The following KLC1 variants were observed in gnomAD, a reference collection of about 807,000 sequenced individuals.
The protein encoded by KLC1 is kinesin 2 60/70kDa.
Under a neutral mutation model 84.2 loss-of-function variants are expected in KLC1, and 30 were observed. The ratio of observed to expected loss-of-function variants is 0.36; its 90% CI spans 0.27 to 0.48. The LOEUF (loss-of-function observed/expected upper bound fraction) is 0.48, where lower values mean the gene tolerates loss of function less well. KLC1 is among the 20% of genes least tolerant of loss of function. KLC1 has a pLI of 0.99. For missense variants in KLC1, 499 were observed against 805.4 expected (o/e 0.62, Z 4.60); for synonymous variants, 289 against 293.3 (o/e 0.99, Z 0.15).
chr14:103,630,830 G>A (rs1230120818), intron 1 of KLC1, among the ~76,000 whole-genome samples: 3 of 152,204 alleles, frequency 2.0e-5, no homozygotes, highest in Non-Finnish European at 4.4e-5. Context: ...GTCTCTCCAA[G>A]TCATCAAAGA....
At chr14:103,699,942 A>C in intron 15 of KLC1, 5 of 330,472 alleles carry the variant, frequency 1.5e-5, no homozygotes, top group Non-Finnish European at 2.4e-5. Context: ...TCTCCCCCTC[A>C]CAGGTCAGCA....
At position 103,694,042 on chromosome 14, in the gene KLC1, AC is replaced by A. The variant is rs1000657855; in HGVS notation, c.1848+1618del. 3 of 1,000,846 alleles carry A rather than the reference AC, an allele frequency of 3.0e-6. No individual in the cohort carries two copies. The highest frequency in any genetic ancestry group is 3.6e-6 in the Non-Finnish European group (3 of 838,908). 62.0% of individuals were successfully genotyped at this position (1,000,846 alleles called of 1,614,324 possible). On this transcript the variant is annotated intron_variant, in intron 15 of 16. Coordinates refer to ENST00000334553, the MANE Select transcript of KLC1 (RefSeq NM_001394837.1). This position sits in a 1 kb window ranked among gnomAD's most constrained non-coding sequence, Gnocchi z 4.5. ...GGAAACATAAAGTACCCCTTTCAGA[AC>A]GATAGGCATTTAGTGATCTATGGCA...
chr14:103,636,220 T>G (rs2077034744), intron 1 of KLC1, among the ~76,000 whole-genome samples: 1 of 152,124 alleles, frequency 6.6e-6, no homozygotes, highest in Non-Finnish European at 1.5e-5. Flanking sequence ...CTTTCAATAC[T>G]TTATTTTTTA....
chr14:103,678,725 C>T (rs145434036), intron 12 of KLC1, among the ~76,000 whole-genome samples: 86 of 151,962 alleles, frequency 5.7e-4, no homozygotes, highest in African/African-American at 2.0e-3. Flanking sequence ...GTGAAAAGAC[C>T]CCCATGCAAC....
chr14:103,642,752 A>AGTTTTTTG (rs1264220680), intron 1 of KLC1, among the ~76,000 whole-genome samples: 5 of 151,178 alleles, frequency 3.3e-5, no homozygotes, highest in Admixed American at 1.3e-4. Context: ...TAAATAATGT[A>AGTTTTTTG]GTTTTTTGGT....
intron 1 of KLC1, among the ~76,000 whole-genome samples, chr14:103,638,557 T>C (rs1329731642): frequency 6.6e-6 from 1 of 151,804 alleles, no homozygotes; most frequent in Non-Finnish European, 1.5e-5. Flanking sequence ...CACTGTAAGC[T>C]TTCCCCACCT....
At chr14:103,695,996 G>C in intron 15 of KLC1, 1 of 985,336 alleles carries the variant, frequency 1.0e-6, no homozygotes, top group Non-Finnish European at 1.2e-6. Context: ...GTGGGCCCAG[G>C]CATCCCTCCT....
At chr14:103,672,337 T>C (rs767622614) in intron 7 of KLC1, among the ~76,000 whole-genome samples, 5 of 152,224 alleles carry the variant, frequency 3.3e-5, no homozygotes, top group Admixed American at 1.3e-4. Flanking sequence ...AGGAGGTTAG[T>C]GTTCATTCAT....
intron 16 of KLC1, among the ~76,000 whole-genome samples, 162 bp downstream of exon 16, chr14:103,700,889 T>G (rs961381817): frequency 6.6e-6 from 1 of 152,112 alleles, no homozygotes; most frequent in African/African-American, 2.4e-5. Flanking sequence ...CCCATCCTCA[T>G]GCAAGCCCAA....
At chr14:103,661,289 G>A (rs901634042) in intron 3 of KLC1, among the ~76,000 whole-genome samples, 2 of 152,106 alleles carry the variant, frequency 1.3e-5, no homozygotes, top group Admixed American at 6.6e-5. Flanking sequence ...CAGTTCAGGG[G>A]TACATCCTGC....
chr14:103,630,282 A>G (rs972120148), intron 1 of KLC1, among the ~76,000 whole-genome samples: 1 of 152,204 alleles, frequency 6.6e-6, no homozygotes, highest in Non-Finnish European at 1.5e-5. Context: ...TGCGTGATGG[A>G]GTGGATGGTT....
chr14:103,630,266 A>G (rs561737349), intron 1 of KLC1, among the ~76,000 whole-genome samples: 1 of 152,352 alleles, frequency 6.6e-6, no homozygotes, highest in Non-Finnish European at 1.5e-5. Flanking sequence ...AAAGTAGTGA[A>G]ATTAATGCGT....
intron 13 of KLC1, chr14:103,686,048 C>T (rs1410871694): frequency 3.9e-6 from 4 of 1,031,860 alleles, no homozygotes; most frequent in African/African-American, 1.7e-5. Context: ...CTCCGTGGTA[C>T]TTAGAGCCCT....
rs1403578862 is a variant in KLC1 at position 103,665,412 on chromosome 14, G to T, written c.797+2485G>T. ...TTTCTGTCTGTCTGTCTGTCTTTCTGTCTTGTCTTGTCTTGTCCTGTCCTG... is the reference window on the plus strand; with the variant it reads ...TTTCTGTCTGTCTGTCTGTCTTTCTTTCTTGTCTTGTCTTGTCCTGTCCTG... On this transcript the variant is annotated intron_variant, in intron 5 of 16. Coordinates refer to ENST00000334553, the MANE Select transcript of KLC1 (RefSeq NM_001394837.1). Among the ~76,000 whole-genome samples, 66 of 151,754 alleles carry T rather than the reference G, an allele frequency of 4.3e-4. 1 individual carries two copies. Among genetic ancestry groups the T allele is most frequent in the African/African-American group, 1.6e-3 (65 of 41,486 alleles).
intron 5 of KLC1, among the ~76,000 whole-genome samples, chr14:103,667,625 C>T (rs796788924): frequency 7.1e-4 from 108 of 152,264 alleles, no homozygotes; most frequent in African/African-American, 2.5e-3. Context: ...TGTGAGCCAC[C>T]GCACCTGGCC....
At chr14:103,685,077 G>A (rs1567037528) in intron 13 of KLC1, 7 of 1,541,948 alleles carry the variant, frequency 4.5e-6, no homozygotes, top group Non-Finnish European at 6.1e-6. Context: ...GCCGTCTGGC[G>A]CTTCTGTCGA....
At position 103,637,978 on chromosome 14, in the gene KLC1, A is replaced by C. The variant is rs1032571816; in HGVS notation, c.-2+8484A>C. Among the ~76,000 whole-genome samples the C allele has an allele frequency of 3.9e-5, 6 of 152,298 alleles. 2 individuals are homozygous for C. The Middle Eastern group carries it at 0.02, about 518-fold the overall frequency. ...AGTGCTGGGATTACAGACGTAAGCCACTATGCTGGGCCACCAAGATACTAT... is the reference window on the plus strand; with the variant it reads ...AGTGCTGGGATTACAGACGTAAGCCCCTATGCTGGGCCACCAAGATACTAT... On this transcript the variant is annotated intron_variant, in intron 1 of 16. Coordinates refer to ENST00000334553, the MANE Select transcript of KLC1 (RefSeq NM_001394837.1).
chr14:103,698,808 TG>T, intron 15 of KLC1: 1 of 1,598,798 alleles, frequency 6.3e-7, no homozygotes. Flanking sequence ...TCAGTGGGAC[TG>T]GGTCCCAGGT....
Position 103,657,644 on chromosome 14 carries a change from A to G in KLC1, c.360A>G (p.Leu120=). Residue 120 remains leucine, a synonymous_variant, in exon 3 of 17, where the codon CTA becomes CTG. Transcript: ENST00000334553. ...VRRLCQENQW[L]RDELANTQQK... ...GTCTGTGCCAGGAGAATCAGTGGCT[A>G]CGGGATGAACTGGCCAACACGCAGC... 5 of 1,614,180 alleles carry G rather than the reference A, an allele frequency of 3.1e-6. No homozygotes were observed. The highest frequency in any genetic ancestry group is 4.2e-6 in the Non-Finnish European group (5 of 1,180,024).
Sources: gnomAD v4.1 joint callset for allele counts (sites outside exome capture counted in the v4.1 genomes callset) on GRCh38, gnomAD v4.1.1 for gene constraint, Gnocchi (gnomAD v3.1) non-coding constraint, MANE v1.5 for transcripts, NCBI Gene and HGNC (gene_info 2026-07-23, HGNC 2026-07-21) for gene names.